Variants in TPCN1 observed in about 807,000 individuals in gnomAD.
TPCN1 encodes two pore channel protein 1.
TPCN1 carries 52 observed loss-of-function variants against 108.8 expected under a neutral mutation model. That is an observed-to-expected ratio of 0.48 (90% CI 0.38 to 0.60). The LOEUF (loss-of-function observed/expected upper bound fraction) is 0.60. Ranked by LOEUF, TPCN1 falls within the 20% of genes least tolerant of loss-of-function variation. The pLI is 0.00. For missense variants in TPCN1, 806 were observed against 1,072.8 expected, an observed-to-expected ratio of 0.75 and a Z score of 3.47; for synonymous variants, 446 against 433.7, an observed-to-expected ratio of 1.03 and a Z score of -0.35.
intron 2 of TPCN1, among the ~76,000 whole-genome samples, chr12:113,255,166 G>A (rs1314164262): frequency 6.6e-6 from 1 of 152,170 alleles, no homozygotes; most frequent in Non-Finnish European, 1.5e-5. Flanking sequence ...TTACAAAAGA[G>A]GCCACTAGAC....
At chr12:113,290,378 G>A in intron 22 of TPCN1, 135 bp downstream of exon 22, 1 of 663,776 alleles carries the variant, frequency 1.5e-6, no homozygotes, top group Non-Finnish European at 2.6e-6. Context: ...CCAGGTGGAG[G>A]ACTTGGTCTG....
At position 113,268,610 on chromosome 12, in the gene TPCN1, TGA is replaced by T; in HGVS notation, c.529-128_529-127del. The T allele has an allele frequency of 8.8e-7, 1 of 1,132,958 alleles. No individual in the cohort carries two copies. Among genetic ancestry groups the T allele is most frequent in the African/African-American group, 1.5e-5 (1 of 64,618 alleles). The allele number at this position is 1,132,958 out of a possible 1,614,324, so 70.2% of individuals were successfully genotyped here. A position where few individuals can be genotyped will look rare whatever the true frequency, so the allele number is the denominator to read the frequency against. ...GGCTGCCTGATGTTGGCAGGAAGTG[TGA>T]GAGGGCTGGAGAGAGGAGAAGGCCT... On this transcript the variant is annotated intron_variant, in intron 5 of 27. Coordinates refer to ENST00000335509, the MANE Select transcript of TPCN1 (RefSeq NM_017901.6). This position sits in a 1 kb window ranked among gnomAD's most constrained non-coding sequence, Gnocchi z 7.3.
At chr12:113,253,102 T>C (rs1301071170) in intron 2 of TPCN1, among the ~76,000 whole-genome samples, 2 of 152,178 alleles carry the variant, frequency 1.3e-5, no homozygotes, top group Non-Finnish European at 2.9e-5. Context: ...GCCCCTCTTC[T>C]CACTAGGAGC....
chr12:113,285,432 G>A (rs1158040472), intron 17 of TPCN1, among the ~76,000 whole-genome samples: 2 of 152,200 alleles, frequency 1.3e-5, no homozygotes, highest in African/African-American at 4.8e-5. Flanking sequence ...GTGCAGTGGC[G>A]TGATCATAGC....
At chr12:113,279,463 G>A (rs1327334444) in intron 14 of TPCN1, among the ~76,000 whole-genome samples, 4 of 138,780 alleles carry the variant, frequency 2.9e-5, no homozygotes, top group Admixed American at 1.6e-4. Flanking sequence ...GCCGTGGTGC[G>A]ATCTCGCTCA....
At position 113,273,394 on chromosome 12, in the gene TPCN1, T is replaced by G; in HGVS notation, c.842+104T>G. The G allele has an allele frequency of 7.3e-7, 1 of 1,365,688 alleles. No homozygotes were observed. Among genetic ancestry groups the G allele is most frequent in the Non-Finnish European group, 1.0e-6 (1 of 956,586 alleles). 84.6% of individuals were successfully genotyped at this position (1,365,688 alleles called of 1,614,324 possible). A position where few individuals can be genotyped will look rare whatever the true frequency, so the allele number is the denominator to read the frequency against. On this transcript the variant is annotated intron_variant, in intron 9 of 27. Transcript: ENST00000335509. The surrounding 1 kb of genome is among the most constrained non-coding windows in gnomAD (Gnocchi z 4.0). ...CACATCCCAGCACAGGCAGGTGCTG[T>G]GGTGCTATTGGGAGACAGGGTTGGC...
chr12:113,234,926 G>A (rs531669792), intron 2 of TPCN1, among the ~76,000 whole-genome samples: 2 of 152,178 alleles, frequency 1.3e-5, no homozygotes, highest in Non-Finnish European at 2.9e-5. Context: ...AATGTATAGT[G>A]AAATCTGGTC....
chr12:113,225,702 G>A (rs1227430865), intron 1 of TPCN1, among the ~76,000 whole-genome samples: 3 of 151,942 alleles, frequency 2.0e-5, no homozygotes, highest in African/African-American at 4.8e-5. Flanking sequence ...TTACCGGCAC[G>A]TGCCACCCCG....
At chr12:113,230,531 CTG>C (rs1296577977) in intron 2 of TPCN1, among the ~76,000 whole-genome samples, 1 of 152,148 alleles carries the variant, frequency 6.6e-6, no homozygotes, top group Non-Finnish European at 1.5e-5. Flanking sequence ...GTCCCTGAGT[CTG>C]TGTGTCTGTC....
chr12:113,277,958 C>T (rs990555347), intron 12 of TPCN1, among the ~76,000 whole-genome samples: 11 of 152,158 alleles, frequency 7.2e-5, no homozygotes, highest in Admixed American at 7.2e-4. Context: ...GTAGTTAGTG[C>T]CATCGGTGGA....
intron 2 of TPCN1, chr12:113,249,984 A>T (rs61943596): frequency 0.092 from 13,934 of 152,240 alleles, 733 homozygotes; most frequent in East Asian, 0.21. Flanking sequence ...CCTAAGGTTG[A>T]TGCGAGGATG....
intron 14 of TPCN1, among the ~76,000 whole-genome samples, chr12:113,279,471 T>C (rs143707579): frequency 0.058 from 8,231 of 141,916 alleles, 336 homozygotes; most frequent in Middle Eastern, 0.074. Flanking sequence ...GCGATCTCGC[T>C]CACTGCAACC....
Position 113,272,847 on chromosome 12 carries a change from C to T in TPCN1, c.783+155C>T, listed in dbSNP as rs1216122987. On this transcript the variant is annotated intron_variant, in intron 8 of 27. Transcript: ENST00000335509. This position sits in a 1 kb window ranked among gnomAD's most constrained non-coding sequence, Gnocchi z 4.1. ...GTGCATTGCACCTGGGAGTTCCCATCACTCAGACTTGACCACTTTCTTCCT... is the reference window on the plus strand; with the variant it reads ...GTGCATTGCACCTGGGAGTTCCCATTACTCAGACTTGACCACTTTCTTCCT... 6.6e-6 allele frequency among the ~76,000 whole-genome samples: 1 copy of T among 152,174 alleles called. No homozygotes were observed. The highest frequency in any genetic ancestry group is 1.5e-5 in the Non-Finnish European group (1 of 68,046).
chr12:113,282,830 A>C (rs1319874340), intron 15 of TPCN1, among the ~76,000 whole-genome samples: 2 of 152,060 alleles, frequency 1.3e-5, no homozygotes, highest in African/African-American at 4.8e-5. Flanking sequence ...TTATGCCTGT[A>C]ATCCCAACAC....
intron 1 of TPCN1, 26 bp from the exon 2 acceptor site, chr12:113,226,702 T>C: frequency 6.8e-7 from 1 of 1,477,408 alleles, no homozygotes; most frequent in Non-Finnish European, 9.1e-7. Flanking sequence ...TAATTATCTT[T>C]TATTTTTTTA....
intron 22 of TPCN1, among the ~76,000 whole-genome samples, chr12:113,290,496 C>G (rs888131825): frequency 3.3e-5 from 5 of 152,206 alleles, no homozygotes; most frequent in African/African-American, 1.2e-4. Flanking sequence ...GAGTTGCAAG[C>G]CTTAGCTGGG....
intron 2 of TPCN1, among the ~76,000 whole-genome samples, chr12:113,247,658 G>A (rs577792190): frequency 4.9e-4 from 74 of 152,346 alleles, no homozygotes; most frequent in Middle Eastern, 6.8e-3. Flanking sequence ...TGAAGGCCAC[G>A]TACAAAAGGA....
Position 113,232,520 on chromosome 12 carries a change from T to A in TPCN1, c.112+5556T>A, listed in dbSNP as rs2136448039. 6.6e-6 allele frequency among the ~76,000 whole-genome samples: 1 copy of A among 152,382 alleles called. No individual in the cohort carries two copies. The highest frequency in any genetic ancestry group is 2.1e-4 in the South Asian group (1 of 4,832). Reference sequence around the variant, plus strand: ...ATCACTGATGTCTGTGCCGTGGCTCTGCCTCTGACCAGATGGCCCCAGCAT... The same window carrying A: ...ATCACTGATGTCTGTGCCGTGGCTCAGCCTCTGACCAGATGGCCCCAGCAT... On this transcript the variant is annotated intron_variant, in intron 2 of 27. Coordinates refer to ENST00000335509, the MANE Select transcript of TPCN1 (RefSeq NM_017901.6). This position sits in a 1 kb window ranked among gnomAD's most constrained non-coding sequence, Gnocchi z 5.6.
In TPCN1 at chr12:113,260,442, C is replaced by T. The variant is rs758131820; in HGVS notation, c.187C>T (p.Pro63Ser). 8 of 1,561,302 alleles carry T rather than the reference C, an allele frequency of 5.1e-6. No individual in the cohort carries two copies. The South Asian group carries it at 9.6e-5, about 19-fold the overall frequency. Reference protein sequence around the residue: ...SSGGESSPSSPAHNWEMNYQE... With the variant: ...SSGGESSPSSSAHNWEMNYQE... ...TGGGGGTGAGAGTTCCCCCTCCAGC[C>T]CCGCACACAACTGGGAGATGAATTA... Residue 63 changes from proline to serine, a missense_variant, in exon 3 of 28, where the codon CCC becomes TCC. Transcript: ENST00000335509.
Sources: gnomAD v4.1 joint callset for allele counts (sites outside exome capture counted in the v4.1 genomes callset) on GRCh38, gnomAD v4.1.1 for gene constraint, Gnocchi (gnomAD v3.1) non-coding constraint, MANE v1.5 for transcripts, NCBI Gene and HGNC (gene_info 2026-07-23, HGNC 2026-07-21) for gene names.